The following KHDRBS2 variants were observed in gnomAD, a reference collection of about 807,000 sequenced individuals.
The protein encoded by KHDRBS2 is KH RNA binding domain containing, signal transduction associated 2.
Under a neutral mutation model 44.3 loss-of-function variants are expected in KHDRBS2, and 26 were observed. That is an observed-to-expected ratio of 0.59 (90% CI 0.43 to 0.81). The LOEUF (loss-of-function observed/expected upper bound fraction) is 0.81. Among genes scored for constraint, KHDRBS2 ranks in the 40% least tolerant of loss-of-function variants. KHDRBS2 has a pLI of 0.00. For synonymous variants in KHDRBS2, 194 were observed against 151.1 expected (o/e 1.28, Z -2.08); for missense variants, 476 against 433.1 (o/e 1.10, Z -0.88).
chr6:61,839,016 C>T (rs1300451170), intron 6 of KHDRBS2, among the ~76,000 whole-genome samples: 1 of 152,056 alleles, frequency 6.6e-6, no homozygotes, highest in Non-Finnish European at 1.5e-5. Flanking sequence ...AAACTCTTTG[C>T]TCACCTCAGG....
rs754534927 is a variant in KHDRBS2, at chr6:61,782,752, T to C, written c.811-49988A>G. ...ATATATATATATACACACACACATA[T>C]ACATATACATATACATATATGTCTG... is the stretch of plus-strand genomic sequence containing the variant. On this transcript the variant is annotated intron_variant, in intron 6 of 8. Transcript: ENST00000281156. Among the ~76,000 whole-genome samples the C allele has an allele frequency of 9.7e-4, 139 of 142,606 alleles. 2 individuals are homozygous for C. Among genetic ancestry groups the C allele is most frequent in the East Asian group, 5.6e-3 (27 of 4,854 alleles). 93.6% of individuals were successfully genotyped at this position (142,606 alleles called of 152,430 possible).
intron 3 of KHDRBS2, among the ~76,000 whole-genome samples, chr6:61,996,089 C>T (rs1373478301): frequency 6.6e-6 from 1 of 152,158 alleles, no homozygotes; most frequent in Non-Finnish European, 1.5e-5. Context: ...TCATGACTGG[C>T]TATGTGAACT....
intron 1 of KHDRBS2, among the ~76,000 whole-genome samples, chr6:62,187,573 T>C (rs1563027327): frequency 6.6e-6 from 1 of 152,172 alleles, no homozygotes; most frequent in Non-Finnish European, 1.5e-5. Context: ...TATTATTATA[T>C]TTTGATGACT....
At chr6:62,209,595 A>AGGCTGCAAAGTATCGTTCCTG (rs1381217640) in intron 1 of KHDRBS2, among the ~76,000 whole-genome samples, 1 of 152,196 alleles carries the variant, frequency 6.6e-6, no homozygotes, top group Non-Finnish European at 1.5e-5. Context: ...ATTATATTGA[A>AGGCTGCAAAGTATCGTTCCTG]GGCTGCAAAG....
chr6:62,168,836 C>A (rs1371841768), intron 2 of KHDRBS2, among the ~76,000 whole-genome samples: 1 of 151,588 alleles, frequency 6.6e-6, no homozygotes, highest in Non-Finnish European at 1.5e-5. Context: ...GAAGCCAGTA[C>A]CACATTCACA....
chr6:62,004,764 A>G (rs758419863), intron 3 of KHDRBS2, among the ~76,000 whole-genome samples: 2 of 152,218 alleles, frequency 1.3e-5, no homozygotes, highest in Non-Finnish European at 2.9e-5. Context: ...AAAATCCTCA[A>G]TAAAATACTG....
intron 2 of KHDRBS2, among the ~76,000 whole-genome samples, chr6:62,070,619 T>G (rs1316261245): frequency 6.6e-6 from 1 of 152,136 alleles, no homozygotes; most frequent in African/African-American, 2.4e-5. Context: ...GACAGTTTGC[T>G]GAGAATGATG....
At chr6:62,213,873 C>CAAAAAAAAAAAAAAAAAAAAAAA (rs67482871) in intron 1 of KHDRBS2, among the ~76,000 whole-genome samples, 3 of 41,486 alleles carry the variant, frequency 7.2e-5, no homozygotes, top group African/African-American at 9.2e-5. Flanking sequence ...GACTCCATCT[C>CAAAAAAAAAAAAAAAAAAAAAAA]AAAAAAAAAA....
At chr6:62,270,255 G>C (rs2150187891) in intron 1 of KHDRBS2, among the ~76,000 whole-genome samples, 1 of 150,464 alleles carries the variant, frequency 6.6e-6, no homozygotes, top group Non-Finnish European at 1.5e-5. Context: ...AGAGCTGGTT[G>C]TTTAAAAGGG....
At chr6:61,807,531 A>C (rs1272505952) in intron 6 of KHDRBS2, among the ~76,000 whole-genome samples, 1 of 152,062 alleles carries the variant, frequency 6.6e-6, no homozygotes, top group African/African-American at 2.4e-5. Context: ...ACATAGATGG[A>C]GCTGGGCGCT....
the KHDRBS2 span, among the ~76,000 whole-genome samples, chr6:61,548,116 T>G: frequency 6.6e-6 from 1 of 152,052 alleles, no homozygotes; most frequent in African/African-American, 2.4e-5. Flanking sequence ...ATCTAATACT[T>G]CAAAAGAGAA....
chr6:61,568,540 T>C, the KHDRBS2 span, among the ~76,000 whole-genome samples: 2 of 152,296 alleles, frequency 1.3e-5, no homozygotes, highest in Admixed American at 1.3e-4. Flanking sequence ...TCACAGATCC[T>C]TTGAATGTTA....
At chr6:61,920,258 C>T (rs1405829003) in intron 4 of KHDRBS2, among the ~76,000 whole-genome samples, 3 of 151,752 alleles carry the variant, frequency 2.0e-5, no homozygotes, top group Non-Finnish European at 2.9e-5. Context: ...TGTGGCTTAC[C>T]GTGAAATGCT....
chr6:61,898,979 G>A (rs1254595030), intron 5 of KHDRBS2, among the ~76,000 whole-genome samples: 1 of 151,898 alleles, frequency 6.6e-6, no homozygotes, highest in South Asian at 2.1e-4. Context: ...TAGAGGGAAT[G>A]ATCAATTAGT....
At chr6:61,556,800 C>G in the KHDRBS2 span, among the ~76,000 whole-genome samples, 1 of 147,818 alleles carries the variant, frequency 6.8e-6, no homozygotes, top group Non-Finnish European at 1.5e-5. Flanking sequence ...AAGGCATGTA[C>G]TAAAGGGTCA....
chr6:62,012,212 C>A (rs1562640174), intron 3 of KHDRBS2, among the ~76,000 whole-genome samples: 1 of 152,188 alleles, frequency 6.6e-6, no homozygotes, highest in Non-Finnish European at 1.5e-5. Flanking sequence ...CTTGATTATT[C>A]ACTCTTCCTC....
chr6:61,720,091 C>T (rs1048605067), intron 7 of KHDRBS2, among the ~76,000 whole-genome samples: 11 of 152,120 alleles, frequency 7.2e-5, no homozygotes, highest in Non-Finnish European at 5.9e-5. Context: ...ATCCATGTCC[C>T]TACAAAGGAC....
chr6:61,827,339 G>C (rs1231282638), intron 6 of KHDRBS2, among the ~76,000 whole-genome samples: 1 of 152,180 alleles, frequency 6.6e-6, no homozygotes, highest in East Asian at 1.9e-4. Flanking sequence ...AAGTAGGGAT[G>C]TGAGTGTTGC....
the KHDRBS2 span, among the ~76,000 whole-genome samples, chr6:61,561,060 G>C: frequency 1.3e-5 from 2 of 152,114 alleles, no homozygotes; most frequent in Non-Finnish European, 2.9e-5. Flanking sequence ...ACCCAGTACC[G>C]ACGTGTCTCT....
Sources: allele counts gnomAD v4.1 joint callset (sites outside exome capture counted in the v4.1 genomes callset), GRCh38; gene constraint gnomAD v4.1.1; transcripts MANE v1.5; gene names NCBI Gene and HGNC (gene_info 2026-07-23, HGNC 2026-07-21).